The following SGMS1 variants were observed in gnomAD, a reference collection of about 807,000 sequenced individuals.
SGMS1 encodes the protein sphingomyelin synthase 1.
Under a neutral mutation model 46.2 loss-of-function variants are expected in SGMS1, and 13 were observed. The ratio of observed to expected loss-of-function variants is 0.28; its 90% CI spans 0.18 to 0.45. The LOEUF is 0.45. Ranked by LOEUF, SGMS1 falls within the 20% of genes least tolerant of loss-of-function variation. SGMS1 has a pLI of 1.00. For synonymous variants in SGMS1, 203 were observed against 187.8 expected, an observed-to-expected ratio of 1.08 and a Z score of -0.66; for missense variants, 324 against 519.9, an observed-to-expected ratio of 0.62 and a Z score of 3.66.
At chr10:50,515,801 G>A (rs1408532804) in intron 3 of SGMS1, among the ~76,000 whole-genome samples, 1 of 152,202 alleles carries the variant, frequency 6.6e-6, no homozygotes, top group Admixed American at 6.5e-5. Flanking sequence ...CAAGGACACA[G>A]TTGGAAGTTA....
chr10:50,516,000 T>C (rs974902707), intron 3 of SGMS1, among the ~76,000 whole-genome samples: 30 of 152,134 alleles, frequency 2.0e-4, no homozygotes, highest in Admixed American at 1.8e-3. Flanking sequence ...ATTACAAATA[T>C]CCTACCTGTA....
intron 3 of SGMS1, among the ~76,000 whole-genome samples, chr10:50,489,529 A>G (rs1453186740): frequency 6.6e-6 from 1 of 152,262 alleles, no homozygotes; most frequent in Non-Finnish European, 1.5e-5. Context: ...TTCTGTCAGC[A>G]GTATAAAACT....
At chr10:50,466,336 A>G (rs557171729) in intron 4 of SGMS1, among the ~76,000 whole-genome samples, 19 of 152,094 alleles carry the variant, frequency 1.2e-4, no homozygotes, top group African/African-American at 4.1e-4. Flanking sequence ...GAAGGAAGGA[A>G]AGGAGGGAGG....
At chr10:50,541,910 C>T (rs1019027112) in intron 2 of SGMS1, among the ~76,000 whole-genome samples, 15 of 152,188 alleles carry the variant, frequency 9.9e-5, no homozygotes, top group African/African-American at 3.6e-4. Context: ...CCAGTTACTT[C>T]CACTTCGAGG....
At chr10:50,413,338 G>A (rs148441726) in intron 6 of SGMS1, among the ~76,000 whole-genome samples, 18 of 152,272 alleles carry the variant, frequency 1.2e-4, no homozygotes, top group South Asian at 1.0e-3. Context: ...ATATTTCACC[G>A]TGCTGCTGAT....
At chr10:50,484,369 G>A (rs1837502352) in intron 3 of SGMS1, among the ~76,000 whole-genome samples, 2 of 152,080 alleles carry the variant, frequency 1.3e-5, no homozygotes, top group Admixed American at 6.6e-5. Flanking sequence ...TCCCTTAATA[G>A]ACCAATAACA....
intron 2 of SGMS1, among the ~76,000 whole-genome samples, chr10:50,543,039 G>C (rs1588871658): frequency 6.6e-6 from 1 of 152,056 alleles, no homozygotes; most frequent in Admixed American, 6.6e-5. Context: ...GGGACATTAG[G>C]CATCCACATC....
intron 2 of SGMS1, among the ~76,000 whole-genome samples, chr10:50,582,033 G>A (rs1483165250): frequency 6.6e-6 from 1 of 152,248 alleles, no homozygotes; most frequent in African/African-American, 2.4e-5. Flanking sequence ...CAGTGAAGAA[G>A]CGGCTCTGGC....
At chr10:50,574,180 C>A (rs1177868055) in intron 2 of SGMS1, among the ~76,000 whole-genome samples, 3 of 151,858 alleles carry the variant, frequency 2.0e-5, no homozygotes, top group Non-Finnish European at 4.4e-5. Flanking sequence ...TGGTATACAG[C>A]AAAGAAAAGA....
chr10:50,386,850 G>A (rs1018664186), intron 6 of SGMS1, among the ~76,000 whole-genome samples: 1 of 152,116 alleles, frequency 6.6e-6, no homozygotes, highest in Non-Finnish European at 1.5e-5. Flanking sequence ...TAGCTAACAC[G>A]TACTGAAAGC....
intron 3 of SGMS1, among the ~76,000 whole-genome samples, chr10:50,491,342 A>C (rs1236872751): frequency 2.0e-5 from 3 of 152,180 alleles, no homozygotes; most frequent in Non-Finnish European, 4.4e-5. Context: ...GACAGAGTGA[A>C]ACCTTTTCTC....
chr10:50,504,957 C>T (rs574065241), intron 3 of SGMS1, among the ~76,000 whole-genome samples: 126 of 152,252 alleles, frequency 8.3e-4, no homozygotes, highest in African/African-American at 3.0e-3. Flanking sequence ...CAGTAGCTCA[C>T]GCCTGTAACC....
chr10:50,582,099 C>T (rs770154987), intron 2 of SGMS1, among the ~76,000 whole-genome samples: 5 of 152,182 alleles, frequency 3.3e-5, no homozygotes, highest in South Asian at 2.1e-4. Flanking sequence ...CTCAAAAGCA[C>T]GGCAGAGAGC....
chr10:50,392,068 C>A (rs571846550), intron 6 of SGMS1, among the ~76,000 whole-genome samples: 29 of 152,074 alleles, frequency 1.9e-4, no homozygotes, highest in Middle Eastern at 3.4e-3. Flanking sequence ...GCTTGAAAAA[C>A]TACCTGTCGA....
chr10:50,574,963 G>GTATATATATATATATGTGTATA lies in SGMS1; in HGVS notation c.-589+15189_-589+15190insTATACACATATATATATATATA, dbSNP rs1554793449. On this transcript the variant is annotated intron_variant, in intron 2 of 10. Transcript: ENST00000361781. ...AAACATTTTAAAAGGAAAATGTGGT[G>GTATATATATATATATGTGTATA]TATATATATATATATATATATAAAA... 8.0e-5 allele frequency among the ~76,000 whole-genome samples: 8 copies of GTATATATATATATATGTGTATA among 99,858 alleles called. 1 individual carries two copies. In the East Asian group the frequency reaches 2.4e-3, roughly 30 times the overall value. The allele number at this position is 99,858 out of a possible 152,430, so 65.5% of individuals were successfully genotyped here. A position where few individuals can be genotyped will look rare whatever the true frequency, so the allele number is the denominator to read the frequency against.
intron 7 of SGMS1, among the ~76,000 whole-genome samples, chr10:50,338,744 A>ATTT (rs202210485): frequency 1.4e-5 from 2 of 139,300 alleles, no homozygotes; most frequent in East Asian, 2.1e-4. Flanking sequence ...CTGCAATGGC[A>ATTT]TTTTTTTTTT....
chr10:50,387,895 T>C (rs1457830150), intron 6 of SGMS1, among the ~76,000 whole-genome samples: 1 of 152,192 alleles, frequency 6.6e-6, no homozygotes, highest in Non-Finnish European at 1.5e-5. Flanking sequence ...AGCTTAGTGT[T>C]TGCCTTATTT....
At chr10:50,425,258 G>A (rs1388177713) in intron 6 of SGMS1, among the ~76,000 whole-genome samples, 1 of 152,022 alleles carries the variant, frequency 6.6e-6, no homozygotes, top group African/African-American at 2.4e-5. Context: ...TATACTCAAA[G>A]GAAAATAAAT....
chr10:50,480,924 G>A (rs114822535), intron 3 of SGMS1, among the ~76,000 whole-genome samples: 1,790 of 152,208 alleles, frequency 0.012, 38 homozygotes, highest in African/African-American at 0.041. Flanking sequence ...CTTTAGGTGA[G>A]ACCCAGATCC....
Sources: gnomAD v4.1 joint callset for allele counts (sites outside exome capture counted in the v4.1 genomes callset) on GRCh38, gnomAD v4.1.1 for gene constraint, MANE v1.5 for transcripts, NCBI Gene and HGNC (gene_info 2026-07-23, HGNC 2026-07-21) for gene names.